Variants in SUCLG2 observed in about 807,000 individuals in gnomAD.
The protein encoded by SUCLG2 is succinate--CoA ligase [GDP-forming] subunit beta, mitochondrial.
Under a neutral mutation model 47.9 loss-of-function variants are expected in SUCLG2, and 42 were observed. That is an observed-to-expected ratio of 0.88 (90% confidence interval 0.69 to 1.14). The LOEUF (loss-of-function observed/expected upper bound fraction) is 1.14, where lower values mean the gene tolerates loss of function less well. Among genes scored for constraint, SUCLG2 ranks in the 50% most tolerant of loss-of-function variants. SUCLG2 has a pLI of 0.00. For synonymous variants in SUCLG2, 195 were observed against 197.3 expected, an observed-to-expected ratio of 0.99 and a Z score of 0.10; for missense variants, 571 against 525.9, an observed-to-expected ratio of 1.09 and a Z score of -0.84.
In SUCLG2 at chr3:67,495,833, A is replaced by G. The variant is rs1705322525; in HGVS notation, c.1027T>C (p.Tyr343His). The G allele has an allele frequency of 1.9e-6, 3 of 1,613,922 alleles. No homozygotes were observed. The highest frequency in any genetic ancestry group is 2.5e-6 in the Non-Finnish European group (3 of 1,179,976). The change falls in exon 9 of 11, where the codon TAT becomes CAT. Residue 343 changes from tyrosine to histidine, a missense_variant. By Grantham distance (83) the Tyr-to-His change is moderately conservative. Coordinates refer to ENST00000307227, the MANE Select transcript of SUCLG2 (RefSeq NM_003848.4). ...GCTGTGAGCAATTTGAATGCTTGAT[A>G]TACTTGAGCTTCCTTTACACCACCT... is the stretch of plus-strand genomic sequence containing the variant. ...LGGGVKEAQV[Y>H]QAFKLLTADP...
At chr3:67,606,837 T>C (rs1271135917) in intron 2 of SUCLG2, among the ~76,000 whole-genome samples, 7 of 152,332 alleles carry the variant, frequency 4.6e-5, no homozygotes, top group African/African-American at 1.7e-4. Context: ...CACAGCTGTG[T>C]CCACAGTGCC....
At chr3:67,517,264 A>T (rs530335301) in intron 6 of SUCLG2, among the ~76,000 whole-genome samples, 8 of 152,284 alleles carry the variant, frequency 5.3e-5, no homozygotes, top group African/African-American at 1.9e-4. Flanking sequence ...TGACTTGCCT[A>T]CTGTTGCCAT....
intron 2 of SUCLG2, among the ~76,000 whole-genome samples, chr3:67,536,265 T>C (rs914442689): frequency 5.9e-5 from 9 of 152,236 alleles, no homozygotes; most frequent in African/African-American, 2.2e-4. Context: ...ATACACTGTC[T>C]GGCTGCACCT....
At chr3:67,517,735 C>A (rs1004070414) in intron 6 of SUCLG2, among the ~76,000 whole-genome samples, 3 of 152,078 alleles carry the variant, frequency 2.0e-5, no homozygotes, top group Non-Finnish European at 2.9e-5. Flanking sequence ...TTTCAAATGC[C>A]CATTAGCTAT....
Position 67,520,550 on chromosome 3 carries a change from C to G in SUCLG2, c.502G>C (p.Val168Leu). The part of the protein sequence containing the change: ...MDRSCNGPVL[V>L]GSPQGGVDIE... ...TCGACGCCCCCCTGGGGGCTGCCCACCAGCACGGGGCCATTGCAGGACCGG... is the reference window on the plus strand; with the variant it reads ...TCGACGCCCCCCTGGGGGCTGCCCAGCAGCACGGGGCCATTGCAGGACCGG... Residue 168 changes from valine (V) to leucine (L), a missense_variant, in exon 5 of 11, where the codon GTG (valine) becomes CTG (leucine). Physicochemically the swap from Val to Leu is conservative, Grantham distance 32 (BLOSUM62 1). Transcript: ENST00000307227. 1.2e-6 allele frequency: 2 copies of G among 1,614,200 alleles called. No individual in the cohort carries two copies. Among genetic ancestry groups the G allele is most frequent in the Non-Finnish European group, 1.7e-6 (2 of 1,180,026 alleles).
At chr3:67,411,000 C>T (rs1244238532) in intron 9 of SUCLG2, among the ~76,000 whole-genome samples, 1 of 152,112 alleles carries the variant, frequency 6.6e-6, no homozygotes, top group East Asian at 1.9e-4. Context: ...CATCTTGATG[C>T]ATGTAAATAC....
intron 1 of SUCLG2, among the ~76,000 whole-genome samples, chr3:67,642,246 G>C (rs1454227229): frequency 2.0e-5 from 3 of 152,172 alleles, no homozygotes; most frequent in Admixed American, 6.5e-5. Flanking sequence ...GAGATGTGCA[G>C]GGCAACAGCT....
At chr3:67,561,576 C>T (rs1179604387) in intron 2 of SUCLG2, among the ~76,000 whole-genome samples, 1 of 152,096 alleles carries the variant, frequency 6.6e-6, no homozygotes, top group African/African-American at 2.4e-5. Context: ...CTTCATATTC[C>T]AGCAAAAATA....
At chr3:67,390,296 T>C (rs1253086544) in intron 10 of SUCLG2, among the ~76,000 whole-genome samples, 1 of 152,212 alleles carries the variant, frequency 6.6e-6, no homozygotes, top group Non-Finnish European at 1.5e-5. Flanking sequence ...ATTTTAAAGA[T>C]TCTGTTGCCC....
intron 2 of SUCLG2, among the ~76,000 whole-genome samples, chr3:67,542,783 T>C (rs973893987): frequency 1.6e-4 from 25 of 152,252 alleles, no homozygotes; most frequent in East Asian, 1.2e-3. Context: ...CCATCCTCAA[T>C]ATATATGCAC....
intron 1 of SUCLG2, among the ~76,000 whole-genome samples, chr3:67,631,392 C>T (rs770062521): frequency 4.6e-5 from 7 of 152,124 alleles, no homozygotes; most frequent in South Asian, 2.1e-4. Context: ...CTTTAGGAGG[C>T]CGAGGTGGGT....
chr3:67,614,415 C>G (rs1399830808), intron 1 of SUCLG2, among the ~76,000 whole-genome samples: 1 of 151,666 alleles, frequency 6.6e-6, no homozygotes. Context: ...CCTGCTGTGA[C>G]TTCTGCTTGT....
chr3:67,522,335 G>A (rs573719933), intron 4 of SUCLG2, among the ~76,000 whole-genome samples: 7 of 152,118 alleles, frequency 4.6e-5, no homozygotes, highest in African/African-American at 7.2e-5. Context: ...ATGAGTCATG[G>A]TGCCTGGCCT....
downstream of SUCLG2, among the ~76,000 whole-genome samples, chr3:67,372,564 C>T (rs576237743): frequency 6.6e-6 from 1 of 152,190 alleles, no homozygotes; most frequent in South Asian, 2.1e-4. Context: ...CAGTTAGGAA[C>T]AGCATATGTT....
chr3:67,598,980 T>C (rs1194863814), intron 2 of SUCLG2, among the ~76,000 whole-genome samples: 9 of 152,028 alleles, frequency 5.9e-5, no homozygotes, highest in Non-Finnish European at 1.3e-4. Flanking sequence ...ACTGAAGAGG[T>C]GATAAGATGA....
chr3:67,503,418 T>TTCC (rs1705554285), intron 7 of SUCLG2, among the ~76,000 whole-genome samples: 1 of 152,242 alleles, frequency 6.6e-6, no homozygotes, highest in Admixed American at 6.5e-5. Context: ...ACATGCTTAT[T>TTCC]TCCTCCTGTA....
intron 10 of SUCLG2, chr3:67,376,615 C>G: frequency 1.6e-6 from 1 of 617,592 alleles, no homozygotes; most frequent in Non-Finnish European, 2.0e-6. Flanking sequence ...TAAACAAAGA[C>G]CTTGAAATAT....
chr3:67,605,669 C>T (rs944758971), intron 2 of SUCLG2, among the ~76,000 whole-genome samples: 1 of 152,082 alleles, frequency 6.6e-6, no homozygotes, highest in Admixed American at 6.6e-5. Context: ...TGCATGCACA[C>T]ACACTCACAC....
chr3:67,482,648 A>G (rs1366321102), intron 9 of SUCLG2, among the ~76,000 whole-genome samples: 1 of 152,174 alleles, frequency 6.6e-6, no homozygotes, highest in East Asian at 1.9e-4. Context: ...AACACAGAAA[A>G]TATCAGAAAT....
Sources: gnomAD v4.1 joint callset for allele counts (sites outside exome capture counted in the v4.1 genomes callset) on GRCh38, gnomAD v4.1.1 for gene constraint, MANE v1.5 for transcripts, NCBI Gene and HGNC (gene_info 2026-07-23, HGNC 2026-07-21) for gene names.